The following CYP39A1 variants were observed in gnomAD, a reference collection of about 807,000 sequenced individuals.
CYP39A1 encodes 24-hydroxycholesterol 7-alpha-hydroxylase.
Under a neutral mutation model 58.1 loss-of-function variants are expected in CYP39A1, and 49 were observed. The observed-to-expected ratio is 0.84, with a 90% CI of 0.67 to 1.07. The LOEUF (loss-of-function observed/expected upper bound fraction) is 1.07. Among genes scored for constraint, CYP39A1 ranks in the 50% least tolerant of loss-of-function variants. The pLI, the probability that CYP39A1 is intolerant of heterozygous loss-of-function variation, is 0.00. For synonymous variants in CYP39A1, 209 were observed against 187.6 expected (o/e 1.11, Z -0.93); for missense variants, 531 against 539.4 (o/e 0.98, Z 0.16).
chr6:46,626,704 G>A (rs1305264561), intron 6 of CYP39A1, among the ~76,000 whole-genome samples: 1 of 152,086 alleles, frequency 6.6e-6, no homozygotes, highest in Non-Finnish European at 1.5e-5. Context: ...TTATCCTAGA[G>A]ATTTTCTAGT....
intron 10 of CYP39A1, among the ~76,000 whole-genome samples, chr6:46,563,921 G>A (rs1582297373): frequency 6.6e-6 from 1 of 152,108 alleles, no homozygotes; most frequent in African/African-American, 2.4e-5. Context: ...TCAGCAGGTA[G>A]TGGCACCAGA....
intron 10 of CYP39A1, chr6:46,583,310 T>C (rs1772255020): frequency 3.0e-6 from 3 of 985,370 alleles, no homozygotes; most frequent in Non-Finnish European, 3.6e-6. Context: ...AGGCATCCTC[T>C]TGCAGGAATT....
At chr6:46,574,608 C>T (rs955715748) in intron 10 of CYP39A1, among the ~76,000 whole-genome samples, 2 of 152,010 alleles carry the variant, frequency 1.3e-5, no homozygotes, top group Non-Finnish European at 2.9e-5. Flanking sequence ...AGCAGTCATT[C>T]AGTTAAGATG....
At chr6:46,642,103 A>G in intron 2 of CYP39A1, 60 bp downstream of exon 2, 2 of 1,580,140 alleles carry the variant, frequency 1.3e-6, no homozygotes, top group Non-Finnish European at 1.7e-6. Context: ...ATTTTTACCT[A>G]AAACTACTCC....
Position 46,558,700 on chromosome 6 carries a change from A to G in CYP39A1, c.1251-4846T>C, listed in dbSNP as rs569317993. ...GATTTAGATTATAGCATGCATTAGG[A>G]AAAAAGGTGATTGTCGGCCGGGCAC... On this transcript the variant is annotated intron_variant, in intron 10 of 11. Coordinates refer to ENST00000275016, the MANE Select transcript of CYP39A1 (RefSeq NM_016593.5). Among the ~76,000 whole-genome samples, 240 of 152,252 alleles carry G rather than the reference A, an allele frequency of 1.6e-3. 3 individuals carry two copies. Among genetic ancestry groups the G allele is most frequent in the African/African-American group, 5.3e-3 (220 of 41,562 alleles).
intron 1 of CYP39A1, among the ~76,000 whole-genome samples, chr6:46,645,377 TTTTG>T (rs763627616): frequency 5.9e-5 from 9 of 152,166 alleles, no homozygotes; most frequent in East Asian, 1.9e-4. Flanking sequence ...TTTGTTGTTG[TTTTG>T]TTTGTTTTGG....
At chr6:46,550,553 GT>G (rs1188213976) in intron 11 of CYP39A1, 116 bp from the exon 12 acceptor site, 5 of 785,720 alleles carry the variant, frequency 6.4e-6, no homozygotes, top group Middle Eastern at 2.4e-4. Flanking sequence ...GGTTTTTCAA[GT>G]TGGGAAATGT....
intron 9 of CYP39A1, 44 bp from the exon 10 acceptor site, chr6:46,587,209 A>C (rs1772523303): frequency 3.2e-6 from 4 of 1,256,194 alleles, no homozygotes. Flanking sequence ...GCCTTATATA[A>C]ATAAGCTTAA....
intron 6 of CYP39A1, among the ~76,000 whole-genome samples, chr6:46,626,158 T>C (rs1029007373): frequency 2.0e-5 from 3 of 152,148 alleles, no homozygotes; most frequent in Admixed American, 1.3e-4. Context: ...ACATTTTCTC[T>C]CTTGGCCACT....
intron 10 of CYP39A1, among the ~76,000 whole-genome samples, chr6:46,565,674 G>A (rs1771236072): frequency 6.6e-6 from 1 of 152,116 alleles, no homozygotes; most frequent in Non-Finnish European, 1.5e-5. Context: ...TGCAACCACA[G>A]AGGGATTAAG....
chr6:46,576,309 T>C (rs1046820384), intron 10 of CYP39A1, among the ~76,000 whole-genome samples: 3 of 152,058 alleles, frequency 2.0e-5, no homozygotes, highest in African/African-American at 7.2e-5. Flanking sequence ...TGGGTGGGGA[T>C]GTAGATCCAA....
At chr6:46,585,322 T>TATAGATAG (rs3837039) in intron 10 of CYP39A1, among the ~76,000 whole-genome samples, 1,734 of 149,820 alleles carry the variant, frequency 0.012, 21 homozygotes, top group East Asian at 0.024. Flanking sequence ...TTGCTATTGG[T>TATAGATAG]ATAGATAGAT....
intron 10 of CYP39A1, among the ~76,000 whole-genome samples, chr6:46,559,530 T>C (rs991339208): frequency 1.3e-5 from 2 of 152,192 alleles, no homozygotes; most frequent in Non-Finnish European, 2.9e-5. Flanking sequence ...AACTGACACA[T>C]TTACACTATC....
chr6:46,593,072 C>T (rs1248566344), intron 8 of CYP39A1, among the ~76,000 whole-genome samples: 1 of 152,078 alleles, frequency 6.6e-6, no homozygotes, highest in Non-Finnish European at 1.5e-5. Flanking sequence ...AATGTGAAAA[C>T]TCTCTAGATG....
intron 10 of CYP39A1, among the ~76,000 whole-genome samples, chr6:46,557,012 A>T (rs982955124): frequency 3.3e-5 from 5 of 152,186 alleles, no homozygotes; most frequent in Admixed American, 2.6e-4. Flanking sequence ...AAGATATTTT[A>T]AAAATAATTG....
At chr6:46,557,697 G>T (rs1770729224) in intron 10 of CYP39A1, among the ~76,000 whole-genome samples, 1 of 150,214 alleles carries the variant, frequency 6.7e-6, no homozygotes, top group South Asian at 2.1e-4. Flanking sequence ...CCAGTATTTT[G>T]GGAGGCCGAG....
rs550730081 is a variant in CYP39A1 at position 46,643,178 on chromosome 6, G to A, written c.178-880C>T. 2.6e-5 allele frequency among the ~76,000 whole-genome samples: 4 copies of A among 152,254 alleles called. No individual in the cohort carries two copies. In the South Asian group the frequency reaches 8.3e-4, roughly 32 times the overall value. On this transcript the variant is annotated intron_variant, in intron 1 of 11. Coordinates refer to ENST00000275016, the MANE Select transcript of CYP39A1 (RefSeq NM_016593.5). ...GGAAAAAAAAGTCATCATTTTTATT[G>A]GCGTCTAAGTATAATTTAGCAGTTT...
intron 7 of CYP39A1, among the ~76,000 whole-genome samples, chr6:46,606,197 T>C (rs897805950): frequency 7.2e-5 from 11 of 152,254 alleles, no homozygotes; most frequent in Admixed American, 7.2e-4. Flanking sequence ...CAGAAGCTTG[T>C]TTTGAATTGA....
chr6:46,616,073 C>T (rs953129951), intron 7 of CYP39A1, among the ~76,000 whole-genome samples: 1 of 131,908 alleles, frequency 7.6e-6, no homozygotes, highest in South Asian at 2.7e-4. Flanking sequence ...CTCTCTTTCC[C>T]TCCCTCCATC....
Sources: gnomAD v4.1 joint callset for allele counts (sites outside exome capture counted in the v4.1 genomes callset) on GRCh38, gnomAD v4.1.1 for gene constraint, MANE v1.5 for transcripts, NCBI Gene and HGNC (gene_info 2026-07-23, HGNC 2026-07-21) for gene names.